The following SLC6A17 variants were observed in gnomAD, a reference collection of about 807,000 sequenced individuals.
SLC6A17 encodes the protein solute carrier family 6 member 17, also known as sodium-dependent neutral amino acid transporter SLC6A17.
Under a neutral mutation model 64.5 loss-of-function variants are expected in SLC6A17, and 21 were observed. The ratio of observed to expected loss-of-function variants is 0.33; its 90% CI spans 0.23 to 0.47. SLC6A17 has a LOEUF of 0.47. Among genes scored for constraint, SLC6A17 ranks in the 20% least tolerant of loss-of-function variants. SLC6A17 has a pLI of 1.00. For synonymous variants in SLC6A17, 372 were observed against 399.5 expected, an observed-to-expected ratio of 0.93 and a Z score of 0.82; for missense variants, 682 against 963.2, an observed-to-expected ratio of 0.71 and a Z score of 3.86.
chr1:110,166,192 C>A (rs762552281), intron 1 of SLC6A17: 1 of 152,212 alleles, frequency 6.6e-6, no homozygotes, highest in Non-Finnish European at 1.5e-5. Flanking sequence ...GTGCCAGAAT[C>A]TTTAGCTGAG....
chr1:110,185,270 G>C (rs1656653236), intron 6 of SLC6A17, among the ~76,000 whole-genome samples: 1 of 152,234 alleles, frequency 6.6e-6, no homozygotes, highest in Non-Finnish European at 1.5e-5. Flanking sequence ...CTGGCAAGTG[G>C]AGAGCATGTG....
At chr1:110,186,729 A>G (rs1009762476) in intron 6 of SLC6A17, among the ~76,000 whole-genome samples, 2 of 152,010 alleles carry the variant, frequency 1.3e-5, no homozygotes, top group African/African-American at 2.4e-5. Context: ...CTGTTCATAC[A>G]AACAGGAGAG....
chr1:110,187,683 G>T (rs776392329), intron 6 of SLC6A17, among the ~76,000 whole-genome samples: 1 of 152,210 alleles, frequency 6.6e-6, no homozygotes, highest in Non-Finnish European at 1.5e-5. Flanking sequence ...TAGGAGAAGC[G>T]CCCAGGCTCC....
chr1:110,173,890 G>C, intron 3 of SLC6A17, 83 bp from the exon 4 acceptor site: 1 of 1,551,508 alleles, frequency 6.4e-7, no homozygotes, highest in Non-Finnish European at 8.7e-7. Flanking sequence ...TGGCGCTGCC[G>C]ACGTGCTGGG....
rs201181747 is a variant in SLC6A17 at position 110,194,628 on chromosome 1, C to T, written c.1349C>T (p.Thr450Met). The change falls in exon 9 of 12, where the codon ACG becomes ATG. Residue 450 changes from threonine to methionine, a missense_variant. By Grantham distance (81) the Thr-to-Met change is moderately conservative. Transcript: ENST00000331565. ...TTCATCGCCTTCACTGAGGCCATGA[C>T]GCACTTCCCCGCCTCCCCGTTCTGG... is the stretch of plus-strand genomic sequence containing the variant. Reference protein sequence around the residue: ...LAFIAFTEAMTHFPASPFWSV... With the variant: ...LAFIAFTEAMMHFPASPFWSV... The T allele has an allele frequency of 1.5e-5, 24 of 1,614,174 alleles. No homozygotes were observed. The South Asian group carries it at 2.0e-4, about 13-fold the overall frequency.
intron 6 of SLC6A17, among the ~76,000 whole-genome samples, chr1:110,181,071 T>TA (rs1656511076): frequency 6.6e-6 from 1 of 152,212 alleles, no homozygotes; most frequent in Non-Finnish European, 1.5e-5. Flanking sequence ...GGTAGGACAG[T>TA]AACTCGTGTT....
At chr1:110,179,285 G>A (rs966475970) in intron 6 of SLC6A17, among the ~76,000 whole-genome samples, 1 of 152,144 alleles carries the variant, frequency 6.6e-6, no homozygotes, top group Non-Finnish European at 1.5e-5. Flanking sequence ...GGGTATCTAT[G>A]TTTAGGAATG....
chr1:110,183,684 G>C (rs370157199), intron 6 of SLC6A17, among the ~76,000 whole-genome samples: 1 of 152,220 alleles, frequency 6.6e-6, no homozygotes, highest in African/African-American at 2.4e-5. Context: ...TGCTCAGCTG[G>C]AAGAGTTGGT....
intron 5 of SLC6A17, among the ~76,000 whole-genome samples, chr1:110,176,415 G>A (rs1421762167): frequency 1.3e-5 from 2 of 152,138 alleles, no homozygotes; most frequent in African/African-American, 4.8e-5. Context: ...CCAACCCCGG[G>A]CACAGCCATG....
chr1:110,165,227 A>C (rs1656014674), intron 1 of SLC6A17, among the ~76,000 whole-genome samples: 1 of 152,148 alleles, frequency 6.6e-6, no homozygotes, highest in Non-Finnish European at 1.5e-5. Context: ...CTAGGGCCGT[A>C]CTTCACTTGT....
intron 1 of SLC6A17, 52 bp downstream of exon 1, chr1:110,150,935 T>C (rs1412665113): frequency 6.6e-6 from 1 of 152,118 alleles, no homozygotes; most frequent in South Asian, 2.1e-4. Flanking sequence ...CCACTGCAAC[T>C]TTCCCTGTTC....
intron 3 of SLC6A17, 67 bp from the exon 4 acceptor site, chr1:110,173,896 CTGGGCCTCGG>C: frequency 6.6e-7 from 1 of 1,517,650 alleles, no homozygotes; most frequent in Non-Finnish European, 8.8e-7. Context: ...TGCCGACGTG[CTGGGCCTCGG>C]GTGGAGCGTG....
chr1:110,196,125 G>A (rs1656959649), intron 10 of SLC6A17, among the ~76,000 whole-genome samples: 1 of 152,346 alleles, frequency 6.6e-6, no homozygotes, highest in South Asian at 2.1e-4. Flanking sequence ...GGCCTAGATA[G>A]GGGTATGAGA....
intron 1 of SLC6A17, among the ~76,000 whole-genome samples, chr1:110,162,315 A>T (rs1006140729): frequency 6.6e-6 from 1 of 152,236 alleles, no homozygotes; most frequent in East Asian, 1.9e-4. Context: ...CCATTGTTAC[A>T]GGTGCCTGGG....
chr1:110,190,331 C>T (rs1283982204), intron 6 of SLC6A17, among the ~76,000 whole-genome samples: 1 of 152,182 alleles, frequency 6.6e-6, no homozygotes, highest in African/African-American at 2.4e-5. Flanking sequence ...AGGCAGTCCT[C>T]CTGGGTCTCC....
intron 5 of SLC6A17, 80 bp downstream of exon 5, chr1:110,175,040 GCTGCCCTTTGCAGGGT>G: frequency 6.6e-7 from 1 of 1,510,876 alleles, no homozygotes; most frequent in Non-Finnish European, 8.9e-7. Context: ...AGAATTCCAG[GCTGCCCTTTGCAGGGT>G]CTTCTGGGTG....
At position 110,194,602 on chromosome 1, in the gene SLC6A17, C is replaced by T. The variant is rs974774885; in HGVS notation, c.1323C>T (p.Ala441=). Residue 441 remains alanine, a synonymous_variant, in exon 9 of 12, where the codon GCC becomes GCT. Coordinates refer to ENST00000331565, the MANE Select transcript of SLC6A17 (RefSeq NM_001010898.4). ...LDKSVQGTGL[A]FIAFTEAMTH... ...AGTCCGTGCAGGGCACAGGCCTGGCCTTCATCGCCTTCACTGAGGCCATGA... is the reference window on the plus strand; with the variant it reads ...AGTCCGTGCAGGGCACAGGCCTGGCTTTCATCGCCTTCACTGAGGCCATGA... 1.2e-6 allele frequency: 2 copies of T among 1,614,186 alleles called. No homozygotes were observed. Among genetic ancestry groups the T allele is most frequent in the East Asian group, 2.2e-5 (1 of 44,882 alleles).
intron 1 of SLC6A17, among the ~76,000 whole-genome samples, chr1:110,161,172 A>G (rs1179259948): frequency 1.3e-5 from 2 of 152,224 alleles, no homozygotes; most frequent in African/African-American, 2.4e-5. Context: ...TAATAAAACA[A>G]TTAAAAATAA....
chr1:110,165,432 C>T (rs1196434174), intron 1 of SLC6A17, among the ~76,000 whole-genome samples: 1 of 152,144 alleles, frequency 6.6e-6, no homozygotes, highest in African/African-American at 2.4e-5. Context: ...GTCATAGTTA[C>T]CCCAAAGCCT....
Sources: allele counts gnomAD v4.1 joint callset (sites outside exome capture counted in the v4.1 genomes callset), GRCh38; gene constraint gnomAD v4.1.1; transcripts MANE v1.5; gene names NCBI Gene and HGNC (gene_info 2026-07-23, HGNC 2026-07-21).